Variants in KIF26B observed in about 807,000 individuals in gnomAD.
The protein encoded by KIF26B is kinesin family member 26B.
Under a neutral mutation model 151.2 loss-of-function variants are expected in KIF26B, and 63 were observed. The observed-to-expected ratio is 0.42, with a 90% CI of 0.34 to 0.51. The LOEUF is 0.51. KIF26B is among the 20% of genes least tolerant of loss of function. The pLI, the probability that KIF26B is intolerant of heterozygous loss-of-function variation, is 0.07. For missense variants in KIF26B, 2,813 were observed against 2,913.6 expected (o/e 0.97, Z 0.79); for synonymous variants, 1,357 against 1,262.1 (o/e 1.08, Z -1.59).
intron 2 of KIF26B, among the ~76,000 whole-genome samples, chr1:245,272,389 G>A (rs570024838): frequency 5.3e-5 from 8 of 151,930 alleles, no homozygotes; most frequent in South Asian, 2.1e-4. Context: ...AGCAAGACCC[G>A]CCCCCTTCAT....
At chr1:245,515,939 A>T (rs1572101109) in intron 4 of KIF26B, among the ~76,000 whole-genome samples, 2 of 152,194 alleles carry the variant, frequency 1.3e-5, no homozygotes, top group East Asian at 3.8e-4. Context: ...AGAAAGAATC[A>T]TCATGGAGGC....
At chr1:245,448,200 TG>T (rs890115093) in intron 4 of KIF26B, among the ~76,000 whole-genome samples, 6 of 152,364 alleles carry the variant, frequency 3.9e-5, no homozygotes, top group South Asian at 2.1e-4. Context: ...TTTATTTGTA[TG>T]TTTTTTTTGT....
chr1:245,329,788 AC>A (rs555411811), intron 2 of KIF26B, among the ~76,000 whole-genome samples: 331 of 152,252 alleles, frequency 2.2e-3, no homozygotes, highest in Non-Finnish European at 3.0e-3. Flanking sequence ...AATCAATAAG[AC>A]CAAAAAAGGT....
chr1:245,204,702 T>C (rs546354325), intron 2 of KIF26B, among the ~76,000 whole-genome samples: 43 of 152,146 alleles, frequency 2.8e-4, no homozygotes, highest in Admixed American at 4.6e-4. Flanking sequence ...ATTTCTCTTA[T>C]GGCTTCGTCT....
At chr1:245,270,286 CT>C (rs1670833971) in intron 2 of KIF26B, among the ~76,000 whole-genome samples, 1 of 106,622 alleles carries the variant, frequency 9.4e-6, no homozygotes. Flanking sequence ...TCCTTCTTTC[CT>C]TCCCTTCCCT....
rs906574604 is a variant in KIF26B, at chr1:245,241,139, C to T, written c.465+84456C>T. Among the ~76,000 whole-genome samples the T allele has an allele frequency of 4.6e-5, 7 of 152,158 alleles. No homozygotes were observed. The highest frequency in any genetic ancestry group is 1.0e-4 in the Non-Finnish European group (7 of 68,028). ...TCATCGGTAGTGAGCAGTTTCTTCC[C>T]GTTACCAGTAAATGTCGGAATTTCC... On this transcript the variant is annotated intron_variant, in intron 2 of 14. Transcript: ENST00000407071. This position sits in a 1 kb window ranked among gnomAD's most constrained non-coding sequence, Gnocchi z 5.0.
chr1:245,523,163 G>A (rs1264711207), intron 4 of KIF26B, among the ~76,000 whole-genome samples: 2 of 152,180 alleles, frequency 1.3e-5, no homozygotes, highest in Non-Finnish European at 2.9e-5. Flanking sequence ...AAACCACACA[G>A]TTGGCTTCGC....
intron 3 of KIF26B, among the ~76,000 whole-genome samples, chr1:245,380,008 A>G (rs115120580): frequency 5.4e-4 from 81 of 151,106 alleles, no homozygotes; most frequent in Non-Finnish European, 9.4e-4. Context: ...ACCCCACCCC[A>G]GACATACACC....
At chr1:245,483,141 G>A (rs2103069974) in intron 4 of KIF26B, among the ~76,000 whole-genome samples, 1 of 151,798 alleles carries the variant, frequency 6.6e-6, no homozygotes, top group East Asian at 1.9e-4. Context: ...GGTTTCATGG[G>A]TGCCCTGTGT....
chr1:245,444,121 G>A (rs1274042721), intron 4 of KIF26B, among the ~76,000 whole-genome samples: 2 of 87,746 alleles, frequency 2.3e-5, no homozygotes, highest in Admixed American at 1.5e-4. Context: ...CACCTAGAGC[G>A]GTCATCTCCC....
intron 1 of KIF26B, 32 bp downstream of exon 1, chr1:245,155,519 T>C (rs754706597): frequency 1.5e-5 from 24 of 1,574,270 alleles, no homozygotes; most frequent in Admixed American, 3.4e-5. Context: ...CGGAGACGCG[T>C]TACCAGACCC....
At chr1:245,231,862 G>T (rs780854257) in intron 2 of KIF26B, among the ~76,000 whole-genome samples, 12 of 152,198 alleles carry the variant, frequency 7.9e-5, no homozygotes, top group Admixed American at 3.9e-4. Flanking sequence ...TCTGAATCAA[G>T]AATTTTAAAT....
At chr1:245,600,294 T>TC (rs1477635309) in intron 5 of KIF26B, among the ~76,000 whole-genome samples, 6 of 143,000 alleles carry the variant, frequency 4.2e-5, no homozygotes, top group Non-Finnish European at 9.3e-5. Context: ...CGCCTCGGCC[T>TC]CCCAAAGTGC....
chr1:245,303,133 A>C (rs1671462447), intron 2 of KIF26B, among the ~76,000 whole-genome samples: 2 of 150,478 alleles, frequency 1.3e-5, no homozygotes, highest in African/African-American at 4.9e-5. Context: ...ACATTTCTTT[A>C]CTTTGCTGCA....
chr1:245,391,655 C>CA (rs11363343), intron 3 of KIF26B, among the ~76,000 whole-genome samples: 163 of 88,528 alleles, frequency 1.8e-3, no homozygotes, highest in East Asian at 6.4e-3. Context: ...GACCCTGACT[C>CA]AAAAAAAAAA....
intron 2 of KIF26B, among the ~76,000 whole-genome samples, chr1:245,363,423 T>G (rs1266013373): frequency 6.6e-6 from 1 of 152,178 alleles, no homozygotes. Context: ...CTCGGACTCC[T>G]GACCTCAGGT....
At chr1:245,633,257 T>C (rs116421404) in intron 9 of KIF26B, among the ~76,000 whole-genome samples, 448 of 151,286 alleles carry the variant, frequency 3.0e-3, no homozygotes, top group South Asian at 9.6e-3. Flanking sequence ...AATGCATTTG[T>C]TGGAGACAGC....
intron 4 of KIF26B, among the ~76,000 whole-genome samples, chr1:245,431,651 A>C (rs1658784634): frequency 6.9e-6 from 1 of 144,414 alleles, no homozygotes; most frequent in African/African-American, 2.6e-5. Context: ...GCCAATTTTT[A>C]TATTTTTAGT....
intron 9 of KIF26B, 49 bp downstream of exon 9, chr1:245,612,025 G>GC: frequency 6.4e-7 from 1 of 1,566,288 alleles, no homozygotes; most frequent in Non-Finnish European, 8.8e-7. Context: ...TCTGGCCCCA[G>GC]CCAGAAATCC....
Sources: gnomAD v4.1 joint callset for allele counts (sites outside exome capture counted in the v4.1 genomes callset) on GRCh38, gnomAD v4.1.1 for gene constraint, Gnocchi (gnomAD v3.1) non-coding constraint, MANE v1.5 for transcripts, NCBI Gene and HGNC (gene_info 2026-07-23, HGNC 2026-07-21) for gene names.